The following CPNE8 variants were observed in gnomAD, a reference collection of about 807,000 sequenced individuals.
CPNE8 encodes the protein copine-8.
A neutral mutation model predicts 81.5 loss-of-function variants in CPNE8; 45 were observed. The ratio of observed to expected loss-of-function variants is 0.55; its 90% CI spans 0.44 to 0.71. The LOEUF (loss-of-function observed/expected upper bound fraction) is 0.71, where lower values mean the gene tolerates loss of function less well. Among genes scored for constraint, CPNE8 ranks in the 30% least tolerant of loss-of-function variants. The pLI is 0.00. For missense variants in CPNE8, 594 were observed against 672.1 expected, an observed-to-expected ratio of 0.88 and a Z score of 1.28; for synonymous variants, 252 against 226.3, an observed-to-expected ratio of 1.11 and a Z score of -1.02.
chr12:38,833,133 A>T (rs764477374), intron 5 of CPNE8, among the ~76,000 whole-genome samples: 20 of 151,886 alleles, frequency 1.3e-4, no homozygotes, highest in Non-Finnish European at 2.8e-4. Flanking sequence ...CGGGCGGATC[A>T]CTTGAGGTCA....
At position 38,702,924 on chromosome 12, in the gene CPNE8, G is replaced by A. The variant is rs1403235380; in HGVS notation, c.915-3C>T. ...CCACTGTGAAATTGATTTGCGTCCT[G>A]GAATAGAAGTAAACAAGACTCATTA... On this transcript the variant is annotated splice_polypyrimidine_tract_variant and splice_region_variant and intron_variant, in intron 13 of 19. Coordinates refer to ENST00000331366, the MANE Select transcript of CPNE8 (RefSeq NM_153634.3). 1 of 1,572,286 alleles carries A rather than the reference G, an allele frequency of 6.4e-7. No homozygotes were observed. Among genetic ancestry groups the A allele is most frequent in the Non-Finnish European group, 8.7e-7 (1 of 1,154,514 alleles).
At chr12:38,792,028 G>C (rs1942336804) in intron 6 of CPNE8, among the ~76,000 whole-genome samples, 1 of 148,512 alleles carries the variant, frequency 6.7e-6, no homozygotes, top group South Asian at 2.1e-4. Flanking sequence ...AAAAAAACTT[G>C]AGACAAATGA....
chr12:38,860,562 CAA>C (rs112847958), intron 3 of CPNE8, among the ~76,000 whole-genome samples: 34 of 145,138 alleles, frequency 2.3e-4, no homozygotes, highest in East Asian at 1.0e-3. Context: ...GAGTATATAT[CAA>C]AAAAAAAAAA....
At chr12:38,897,398 G>A (rs1944402799) in intron 1 of CPNE8, among the ~76,000 whole-genome samples, 1 of 151,970 alleles carries the variant, frequency 6.6e-6, no homozygotes, top group Non-Finnish European at 1.5e-5. Context: ...TGTTTGTGAT[G>A]GAGAATACTC....
At chr12:38,882,317 A>T (rs1243540168) in intron 1 of CPNE8, among the ~76,000 whole-genome samples, 2 of 152,208 alleles carry the variant, frequency 1.3e-5, no homozygotes, top group African/African-American at 4.8e-5. Context: ...TGCAGTCACA[A>T]GCCAAAGCAT....
chr12:38,760,086 C>T (rs1458564688), intron 10 of CPNE8, among the ~76,000 whole-genome samples: 1 of 152,146 alleles, frequency 6.6e-6, no homozygotes, highest in East Asian at 1.9e-4. Flanking sequence ...GGACACACAT[C>T]GACTGAAAAA....
chr12:38,829,432 A>G lies in CPNE8; in HGVS notation c.354T>C (p.Cys118=), dbSNP rs375551149. ...SKHDFLGQVF[C]TLGEIVGSQG... is the part of the protein sequence containing the mutation. ...GTGAACCAACGATCTCTCCCAATGT[A>G]CAAAACACTTGTCCCAGAAAGTCCT... Residue 118 remains cysteine (C), a synonymous_variant, in exon 6 of 20, where the codon TGT becomes TGC. Coordinates refer to ENST00000331366, the MANE Select transcript of CPNE8 (RefSeq NM_153634.3). 6 of 1,612,990 alleles carry G rather than the reference A, an allele frequency of 3.7e-6. No homozygotes were observed. Among genetic ancestry groups the G allele is most frequent in the Non-Finnish European group, 5.1e-6 (6 of 1,179,140 alleles).
At chr12:38,665,883 TC>T (rs1939048485) in intron 19 of CPNE8, among the ~76,000 whole-genome samples, 3 of 152,170 alleles carry the variant, frequency 2.0e-5, no homozygotes, top group Admixed American at 2.0e-4. Context: ...TGGTTATTAT[TC>T]TAAAACTTAA....
chr12:38,786,603 T>C (rs1234629067), intron 6 of CPNE8, among the ~76,000 whole-genome samples: 1 of 152,056 alleles, frequency 6.6e-6, no homozygotes. Flanking sequence ...TTAATATATA[T>C]ATATTCCATT....
chr12:38,798,148 T>C (rs575428976), intron 6 of CPNE8, among the ~76,000 whole-genome samples: 1 of 152,070 alleles, frequency 6.6e-6, no homozygotes, highest in Non-Finnish European at 1.5e-5. Flanking sequence ...CAGGAGAACT[T>C]CCCCAATCTA....
chr12:38,779,436 G>C (rs1941999936), intron 6 of CPNE8, among the ~76,000 whole-genome samples: 1 of 152,092 alleles, frequency 6.6e-6, no homozygotes, highest in Non-Finnish European at 1.5e-5. Flanking sequence ...ATTGTAGCAT[G>C]AGTTATATAT....
chr12:38,723,661 T>C, intron 13 of CPNE8, 111 bp downstream of exon 13: 1 of 736,578 alleles, frequency 1.4e-6, no homozygotes, highest in Non-Finnish European at 2.4e-6. Context: ...AGGCTTGCCA[T>C]CAAAATATAA....
At position 38,653,984 on chromosome 12, in the gene CPNE8, G is replaced by A. The variant is rs1938762305; in HGVS notation, c.1593C>T (p.Ile531=). 3 of 1,613,698 alleles carry A rather than the reference G, an allele frequency of 1.9e-6. No homozygotes were observed. Among genetic ancestry groups the A allele is most frequent in the Non-Finnish European group, 1.7e-6 (2 of 1,179,904 alleles). The change falls in exon 20 of 20, where the codon ATC becomes ATT. Residue 531 remains isoleucine, a synonymous_variant. Transcript: ENST00000331366. ...ARLAKDVLAE[I]PEQFLSYMRA... is the part of the protein sequence containing the mutation. ...TCATATAGGAGAGAAACTGCTCAGG[G>A]ATCTCAGCTAGGACATCTTTAGCCA...
chr12:38,859,306 C>T (rs11169838), intron 3 of CPNE8, among the ~76,000 whole-genome samples: 31,233 of 151,756 alleles, frequency 0.21, 4,103 homozygotes, highest in Non-Finnish European at 0.3. Context: ...CAACAATGAA[C>T]CATCAAAAAA....
intron 13 of CPNE8, among the ~76,000 whole-genome samples, chr12:38,704,826 G>GTGTATATATATATATA (rs1249607170): frequency 2.0e-5 from 1 of 50,200 alleles, no homozygotes; most frequent in Admixed American, 2.9e-4. Context: ...GTATGTATGT[G>GTGTATATATATATATA]TATATATATA....
rs1321283865 is a variant in CPNE8, at chr12:38,723,811, A to G, written c.875T>C (p.Val292Ala). 6.3e-7 allele frequency: 1 copy of G among 1,587,264 alleles called. No homozygotes were observed. Residue 292 changes from valine (V) to alanine (A), a missense_variant, in exon 13 of 20, where the codon GTA (valine) becomes GCA (alanine). By Grantham distance (64) the Val-to-Ala change is moderately conservative (BLOSUM62 0). Coordinates refer to ENST00000331366, the MANE Select transcript of CPNE8 (RefSeq NM_153634.3). Reference protein sequence around the residue: ...SGTVTLLSFLVETEVSFLDYI... With the variant: ...SGTVTLLSFLAETEVSFLDYI... ...GTCAAGGAATGAAACTTCTGTTTCT[A>G]CCAAGAAAGAGAGTAAAGTTACCTG... is the stretch of plus-strand genomic sequence containing the variant.
chr12:38,833,351 C>CAAAAAAAAAAAAAAA (rs774534221), intron 5 of CPNE8, among the ~76,000 whole-genome samples: 1 of 61,870 alleles, frequency 1.6e-5, no homozygotes. Context: ...GACCTTATCT[C>CAAAAAAAAAAAAAAA]AAAAAAAAAA....
intron 18 of CPNE8, among the ~76,000 whole-genome samples, chr12:38,674,513 G>A (rs1939246926): frequency 6.6e-6 from 1 of 152,158 alleles, no homozygotes; most frequent in African/African-American, 2.4e-5. Flanking sequence ...TGCAAAGCAT[G>A]GAGAGGAAAG....
chr12:38,898,569 T>C (rs902373533), intron 1 of CPNE8, among the ~76,000 whole-genome samples: 21 of 152,192 alleles, frequency 1.4e-4, no homozygotes, highest in African/African-American at 5.1e-4. Context: ...GGCAGTCTAA[T>C]ATCCCTAGCT....
Sources: gnomAD v4.1 joint callset for allele counts (sites outside exome capture counted in the v4.1 genomes callset) on GRCh38, gnomAD v4.1.1 for gene constraint, MANE v1.5 for transcripts, NCBI Gene and HGNC (gene_info 2026-07-23, HGNC 2026-07-21) for gene names.